FRMD3: variants seen among roughly 807,000 people sequenced by gnomAD.
FRMD3 encodes FERM domain-containing protein 3.
FRMD3 carries 33 observed loss-of-function variants against 70.2 expected under a neutral mutation model. The observed-to-expected ratio is 0.47, with a 90% CI of 0.36 to 0.63. The LOEUF is 0.63. Ranked by LOEUF, FRMD3 falls within the 20% of genes least tolerant of loss-of-function variation. The pLI, the probability that FRMD3 is intolerant of heterozygous loss-of-function variation, is 0.00. For missense variants in FRMD3, 632 were observed against 711.4 expected (o/e 0.89, Z 1.27); for synonymous variants, 279 against 255.9 (o/e 1.09, Z -0.86).
chr9:83,378,507 TATATAATATAC>T (rs1285921330), intron 2 of FRMD3, among the ~76,000 whole-genome samples: 1 of 80,342 alleles, frequency 1.2e-5, no homozygotes, highest in African/African-American at 4.6e-5. Context: ...AAAATTTATA[TATATAATATAC>T]ATATAAAATT....
intron 6 of FRMD3, among the ~76,000 whole-genome samples, chr9:83,322,170 C>A (rs150124828): frequency 3.3e-5 from 5 of 152,290 alleles, no homozygotes; most frequent in African/African-American, 4.8e-5. Context: ...ACATCTCAGT[C>A]TCACAGCAGC....
At chr9:83,431,134 G>T (rs1285164419) in intron 1 of FRMD3, among the ~76,000 whole-genome samples, 2 of 152,204 alleles carry the variant, frequency 1.3e-5, no homozygotes, top group African/African-American at 4.8e-5. Context: ...GTTCATTTCA[G>T]ATTGTACATT....
intron 1 of FRMD3, among the ~76,000 whole-genome samples, chr9:83,439,240 T>C (rs1238727968): frequency 2.0e-5 from 3 of 152,254 alleles, no homozygotes; most frequent in Non-Finnish European, 4.4e-5. Context: ...ATAGGGTCCA[T>C]ACAGGCTCCA....
chr9:83,467,901 C>A (rs1828172122), intron 1 of FRMD3, among the ~76,000 whole-genome samples: 1 of 152,024 alleles, frequency 6.6e-6, no homozygotes, highest in Admixed American at 6.6e-5. Context: ...CAAGAACCTG[C>A]TGGATATTAA....
At chr9:83,486,477 T>C (rs140006143) in intron 1 of FRMD3, among the ~76,000 whole-genome samples, 1 of 152,178 alleles carries the variant, frequency 6.6e-6, no homozygotes, top group Non-Finnish European at 1.5e-5. Flanking sequence ...TTAGTTTATA[T>C]CTTTAAAATG....
intron 1 of FRMD3, among the ~76,000 whole-genome samples, chr9:83,535,667 T>C (rs1166986768): frequency 6.6e-6 from 1 of 152,126 alleles, no homozygotes; most frequent in African/African-American, 2.4e-5. Flanking sequence ...GTGTATTTTA[T>C]GTGTGGCCCA....
At chr9:83,470,302 G>T (rs529852181) in intron 1 of FRMD3, among the ~76,000 whole-genome samples, 15 of 152,168 alleles carry the variant, frequency 9.9e-5, no homozygotes, top group African/African-American at 3.1e-4. Context: ...ATTAGAGAGG[G>T]GGCGATGGCT....
intron 13 of FRMD3, among the ~76,000 whole-genome samples, chr9:83,274,557 G>A (rs1276397822): frequency 6.6e-6 from 1 of 152,234 alleles, no homozygotes; most frequent in Admixed American, 6.5e-5. Context: ...AAGGGAACCA[G>A]CACGAGAAGG....
rs536220445 is a variant in FRMD3, at chr9:83,521,827, A to G, written c.147+16258T>C. Reference sequence around the variant, plus strand: ...CCTCATAAATGTTATGTCTTCCTCTATGCTCAACCTTTGCTAGAATGTCCT... The same window carrying G: ...CCTCATAAATGTTATGTCTTCCTCTGTGCTCAACCTTTGCTAGAATGTCCT... On this transcript the variant is annotated intron_variant, in intron 1 of 13. Transcript: ENST00000304195. Among the ~76,000 whole-genome samples the G allele has an allele frequency of 2.6e-5, 4 of 152,346 alleles. No homozygotes were observed. In the South Asian group the frequency reaches 8.3e-4, roughly 32 times the overall value.
At chr9:83,523,313 A>G (rs7037642) in intron 1 of FRMD3, among the ~76,000 whole-genome samples, 71,391 of 151,958 alleles carry the variant, frequency 0.47, 17,213 homozygotes, top group Middle Eastern at 0.5. Context: ...ATGGATAGTT[A>G]GATGGATGAA....
intron 3 of FRMD3, among the ~76,000 whole-genome samples, chr9:83,350,019 T>A (rs1182352687): frequency 6.6e-6 from 1 of 152,184 alleles, no homozygotes; most frequent in Non-Finnish European, 1.5e-5. Flanking sequence ...TTTTTCCACA[T>A]CACAGCTCGC....
At chr9:83,479,849 C>A (rs559503524) in intron 1 of FRMD3, among the ~76,000 whole-genome samples, 1 of 150,986 alleles carries the variant, frequency 6.6e-6, no homozygotes, top group Admixed American at 6.6e-5. Context: ...AAAAGCTAAT[C>A]GCAATCAGTA....
intron 13 of FRMD3, among the ~76,000 whole-genome samples, chr9:83,283,802 T>C (rs1166755073): frequency 6.6e-6 from 1 of 151,990 alleles, no homozygotes; most frequent in Non-Finnish European, 1.5e-5. Flanking sequence ...AAACAGCACT[T>C]TTTATGAGTT....
At chr9:83,318,022 T>C (rs1249599770) in intron 6 of FRMD3, among the ~76,000 whole-genome samples, 1 of 152,224 alleles carries the variant, frequency 6.6e-6, no homozygotes, top group Non-Finnish European at 1.5e-5. Context: ...TAATAGGCAC[T>C]TACCAAATAG....
At chr9:83,463,675 G>A (rs868779701) in intron 1 of FRMD3, among the ~76,000 whole-genome samples, 3 of 152,134 alleles carry the variant, frequency 2.0e-5, no homozygotes, top group African/African-American at 2.4e-5. Context: ...TAACCATTTT[G>A]CTCTTGCCAA....
chr9:83,568,223 AG>A, the FRMD3 span, among the ~76,000 whole-genome samples: 1 of 152,186 alleles, frequency 6.6e-6, no homozygotes, highest in East Asian at 1.9e-4. Context: ...CGAGAACAGC[AG>A]GGGAAAGATT....
rs548724413 is a variant in FRMD3, at chr9:83,537,716, G to A, written c.147+369C>T. On this transcript the variant is annotated intron_variant, in intron 1 of 13. Coordinates refer to ENST00000304195, the MANE Select transcript of FRMD3 (RefSeq NM_174938.6). This position sits in a 1 kb window ranked among gnomAD's most constrained non-coding sequence, Gnocchi z 4.1. Reference sequence around the variant, plus strand: ...GGGAGGAAATACCAGTGGGCGACATGCAGGTGCCCCTCTCAGCCCTCGGAG... The same window carrying A: ...GGGAGGAAATACCAGTGGGCGACATACAGGTGCCCCTCTCAGCCCTCGGAG... Among the ~76,000 whole-genome samples, 1 of 152,316 alleles carries A rather than the reference G, an allele frequency of 6.6e-6. No homozygotes were observed. Among genetic ancestry groups the A allele is most frequent in the South Asian group, 2.1e-4 (1 of 4,834 alleles).
intron 1 of FRMD3, among the ~76,000 whole-genome samples, chr9:83,462,936 C>T (rs1001487888): frequency 1.2e-4 from 18 of 152,094 alleles, no homozygotes; most frequent in African/African-American, 3.1e-4. Context: ...AAAATATTAT[C>T]CCCAAAATAA....
chr9:83,407,167 T>C (rs957976677), intron 1 of FRMD3, among the ~76,000 whole-genome samples: 4 of 152,228 alleles, frequency 2.6e-5, no homozygotes, highest in African/African-American at 9.6e-5. Flanking sequence ...GATGGTGTAA[T>C]TCCAGTTTCA....
Sources: allele counts gnomAD v4.1 joint callset (sites outside exome capture counted in the v4.1 genomes callset), GRCh38; gene constraint gnomAD v4.1.1; non-coding constraint Gnocchi (gnomAD v3.1); transcripts MANE v1.5; gene names NCBI Gene and HGNC (gene_info 2026-07-23, HGNC 2026-07-21).